Variants in ARVCF observed in about 807,000 individuals in gnomAD.
The protein encoded by ARVCF is ARVCF delta catenin family member.
ARVCF carries 66 observed loss-of-function variants against 90.9 expected under a neutral mutation model. The observed-to-expected ratio is 0.73, with a 90% CI of 0.60 to 0.89. The LOEUF (loss-of-function observed/expected upper bound fraction) is 0.89. Among genes scored for constraint, ARVCF ranks in the 40% least tolerant of loss-of-function variants. ARVCF has a pLI of 0.00. For missense variants in ARVCF, 1,469 were observed against 1,382.3 expected (o/e 1.06, Z -1.00); for synonymous variants, 653 against 603.4 (o/e 1.08, Z -1.21).
chr22:20,013,447 G>A (rs1944909379), intron 1 of ARVCF, among the ~76,000 whole-genome samples: 2 of 152,190 alleles, frequency 1.3e-5, no homozygotes, highest in South Asian at 4.1e-4. Flanking sequence ...GAGGGGCCTT[G>A]CTTGGCTCCT....
Position 19,973,542 on chromosome 22 carries a change from C to T in ARVCF, c.2239+101G>A, listed in dbSNP as rs924050266. The T allele has an allele frequency of 2.0e-6, 3 of 1,506,924 alleles. No individual in the cohort carries two copies. In the African/African-American group the frequency reaches 4.2e-5, roughly 21 times the overall value. 93.3% of individuals were successfully genotyped at this position (1,506,924 alleles called of 1,614,324 possible). Reference sequence around the variant, plus strand: ...CAGCGCCCAAGCGAGAGGGCCGGGGCCTGGACTCCCAAACCACTCATCCTC... The same window carrying T: ...CAGCGCCCAAGCGAGAGGGCCGGGGTCTGGACTCCCAAACCACTCATCCTC... On this transcript the variant is annotated intron_variant, in intron 13 of 19. Transcript: ENST00000263207.
At chr22:19,967,101 C>T, downstream of ARVCF, 1 of 1,267,830 alleles carries the variant, frequency 7.9e-7, no homozygotes, top group East Asian at 5.7e-5. Flanking sequence ...CCCTGGCAGC[C>T]TCCAAAGGTG....
intron 19 of ARVCF, 42 bp downstream of exon 19, chr22:19,971,174 G>C: frequency 4.5e-6 from 7 of 1,551,164 alleles, no homozygotes; most frequent in Non-Finnish European, 5.2e-6. Flanking sequence ...CTGGCCCAGA[G>C]GGCAGGAACA....
intron 8 of ARVCF, 89 bp downstream of exon 8, chr22:19,977,869 C>G: frequency 7.1e-7 from 1 of 1,417,742 alleles, no homozygotes; most frequent in Non-Finnish European, 9.6e-7. Context: ...AGCCCATTCC[C>G]CTGTGCTGCT....
rs770061128 is a variant in ARVCF at position 19,973,736 on chromosome 22, C to G, written c.2146G>C (p.Glu716Gln). 6.2e-7 allele frequency: 1 copy of G among 1,609,230 alleles called. No homozygotes were observed. The highest frequency in any genetic ancestry group is 8.5e-7 in the Non-Finnish European group (1 of 1,179,932). The change falls in exon 13 of 20, where the codon GAA becomes CAA. Residue 716 changes from glutamate to glutamine, a missense_variant. Transcript: ENST00000263207. ...RKERGLPVLVELLQSETDKVV... is the reference protein window; with the variant it reads ...RKERGLPVLVQLLQSETDKVV... ...TTGTCGGTCTCAGACTGCAGCAGTT[C>G]CACAAGCACCGGCAGCCCGCGCTCT... is the stretch of plus-strand genomic sequence containing the variant.
chr22:19,988,349 G>C (rs556493683), intron 3 of ARVCF, among the ~76,000 whole-genome samples: 1 of 152,214 alleles, frequency 6.6e-6, no homozygotes, highest in Non-Finnish European at 1.5e-5. Flanking sequence ...CAGAAGACCA[G>C]ACACTGCGCC....
In ARVCF at chr22:19,973,177, C is replaced by A; in HGVS notation, c.2380G>T (p.Ala794Ser). ...HEIVSDSLDN[A>S]RSLLQARGVP... The stretch of plus-strand genomic sequence containing the variant: ...CCGCGTGCCTGCAGGAGCGAGCGCG[C>A]GTTATCCAGGCTGTCGGACACGATT... Residue 794 changes from alanine (A) to serine (S), a missense_variant, in exon 14 of 20, where the codon GCG (alanine) becomes TCG (serine). Transcript: ENST00000263207. 6.2e-7 allele frequency: 1 copy of A among 1,610,766 alleles called. No homozygotes were observed. The highest frequency in any genetic ancestry group is 8.5e-7 in the Non-Finnish European group (1 of 1,179,188).
At chr22:19,973,507 C>T (rs1942966325) in intron 13 of ARVCF, 136 bp downstream of exon 13, 10 of 1,431,308 alleles carry the variant, frequency 7.0e-6, no homozygotes, top group Non-Finnish European at 9.3e-6. Context: ...GGAGCTACCT[C>T]CAGTTGGGAC....
At chr22:19,968,190 C>G (rs370356766), downstream of ARVCF, among the ~76,000 whole-genome samples, 3 of 152,328 alleles carry the variant, frequency 2.0e-5, no homozygotes, top group African/African-American at 7.2e-5. Flanking sequence ...GAGTTCCTGG[C>G]ACTGGGTGTT....
At chr22:20,014,568 T>TC (rs1944954453) in intron 1 of ARVCF, among the ~76,000 whole-genome samples, 1 of 152,140 alleles carries the variant, frequency 6.6e-6, no homozygotes, top group Non-Finnish European at 1.5e-5. Flanking sequence ...ATCAGGGAAG[T>TC]CCCCAGGACC....
intron 1 of ARVCF, among the ~76,000 whole-genome samples, chr22:20,016,137 A>G (rs2146541023): frequency 6.6e-6 from 1 of 152,026 alleles, no homozygotes; most frequent in East Asian, 2.0e-4. Flanking sequence ...GGTGCCCCTG[A>G]GCTTCCCGGC....
At position 19,972,742 on chromosome 22, in the gene ARVCF, C is replaced by T. The variant is rs750888016; in HGVS notation, c.2636G>A (p.Ser879Asn). The T allele has an allele frequency of 8.7e-6, 14 of 1,609,706 alleles. No individual in the cohort carries two copies. The Admixed American group carries it at 2.2e-4, about 25-fold the overall frequency. Residue 879 changes from serine (S) to asparagine (N), a missense_variant, in exon 16 of 20, where the codon AGC becomes AAC. Transcript: ENST00000263207. ...DDSTLPLVDK[S>N]LEGEKTGSRD... ...CCCTAAGCTCCACCACTCACCAAGG[C>T]TCTTGTCCACCAGTGGCAGCGTGCT...
At chr22:19,987,017 C>T in intron 3 of ARVCF, 1 of 647,310 alleles carries the variant, frequency 1.5e-6, no homozygotes, top group Non-Finnish European at 2.8e-6. Context: ...GGCCGACGCC[C>T]CGCCCTCTGC....
chr22:20,001,245 C>T (rs906690630), intron 2 of ARVCF, among the ~76,000 whole-genome samples: 1 of 152,130 alleles, frequency 6.6e-6, no homozygotes, highest in African/African-American at 2.4e-5. Context: ...ATCTGCAGGA[C>T]CCCCTGCCTC....
intron 2 of ARVCF, among the ~76,000 whole-genome samples, chr22:19,996,334 C>G (rs566391509): frequency 7.3e-5 from 11 of 151,156 alleles, no homozygotes; most frequent in Admixed American, 2.0e-4. Flanking sequence ...AAAAGGGCCA[C>G]ACAGTGTGGT....
chr22:19,967,398 T>C (rs868336639), downstream of ARVCF: 3 of 477,276 alleles, frequency 6.3e-6, no homozygotes, highest in Middle Eastern at 9.7e-4. Context: ...AGGACATTTT[T>C]TTTTTTTTCT....
chr22:19,995,066 T>C (rs998375811), intron 2 of ARVCF, among the ~76,000 whole-genome samples: 3 of 151,138 alleles, frequency 2.0e-5, no homozygotes, highest in African/African-American at 7.3e-5. Flanking sequence ...GATGAATGGA[T>C]GGATGAGTAA....
chr22:19,968,846 C>T (rs1447166416), downstream of ARVCF: 3 of 1,041,136 alleles, frequency 2.9e-6, no homozygotes, highest in Non-Finnish European at 4.3e-6. Context: ...AAATGCAAAG[C>T]ACACCTCGGC....
chr22:19,981,949 C>T lies in ARVCF; in HGVS notation c.353G>A (p.Arg118Gln), dbSNP rs778530843. Residue 118 changes from arginine to glutamine, a missense_variant, in exon 4 of 20, where the codon CGG becomes CAG. Arg to Gln is a conservative substitution (Grantham distance 43). Transcript: ENST00000263207. ...SIVTSEDGTT[R>Q]RTETKVTKTV... ...TGGCCATACCTTGGTCTCGGTGCGCCGGGTTGTGCCATCTTCGGATGTGAC... is the reference window on the plus strand; with the variant it reads ...TGGCCATACCTTGGTCTCGGTGCGCTGGGTTGTGCCATCTTCGGATGTGAC... 26 of 1,607,634 alleles carry T rather than the reference C, an allele frequency of 1.6e-5. No individual in the cohort carries two copies. The highest frequency in any genetic ancestry group is 3.3e-5 in the South Asian group (3 of 90,596).
Sources: allele counts gnomAD v4.1 joint callset (sites outside exome capture counted in the v4.1 genomes callset), GRCh38; gene constraint gnomAD v4.1.1; transcripts MANE v1.5; gene names NCBI Gene and HGNC (gene_info 2026-07-23, HGNC 2026-07-21).